SAR1B: variants seen among roughly 807,000 people sequenced by gnomAD.
SAR1B encodes the protein secretion associated Ras related GTPase 1B.
In SAR1B, 23 loss-of-function variants were observed where a neutral mutation model predicts 26.8. That is an observed-to-expected ratio of 0.86 (90% confidence interval 0.62 to 1.22). The LOEUF (loss-of-function observed/expected upper bound fraction) is 1.22, where lower values mean the gene tolerates loss of function less well. Ranked by LOEUF, SAR1B falls within the 50% of genes most tolerant of loss-of-function variation. The pLI is 0.00. For missense variants in SAR1B, 196 were observed against 232.8 expected, an observed-to-expected ratio of 0.84 and a Z score of 1.03; for synonymous variants, 65 against 80.8, an observed-to-expected ratio of 0.80 and a Z score of 1.05.
chr5:134,613,602 T>C (rs1175577366), intron 3 of SAR1B: 1 of 152,228 alleles, frequency 6.6e-6, no homozygotes, highest in Non-Finnish European at 1.5e-5. Flanking sequence ...CTATTCTTCC[T>C]GCTGAAAATG....
At position 134,630,223 on chromosome 5, in the gene SAR1B, A is replaced by AG. The variant is rs1479795971; in HGVS notation, c.-19+2504dup. Among the ~76,000 whole-genome samples the AG allele has an allele frequency of 5.3e-5, 8 of 152,154 alleles. No homozygotes were observed. The South Asian group carries it at 6.2e-4, about 12-fold the overall frequency. ...GTAATCCCAGCACTTTGGGAGGCTG[A>AG]GGGGGGCGGATCACCTGAGGTTGGG... On this transcript the variant is annotated intron_variant, in intron 1 of 6. Coordinates refer to ENST00000402673, the MANE Select transcript of SAR1B (RefSeq NM_016103.4).
At position 134,624,035 on chromosome 5, in the gene SAR1B, G is replaced by A. The variant is rs1465721269; in HGVS notation, c.-16C>T. On this transcript the variant is annotated splice_region_variant and 5_prime_UTR_variant, in exon 2 of 7. Coordinates refer to ENST00000402673, the MANE Select transcript of SAR1B (RefSeq NM_016103.4). ...TGAAGGACATATCCAAATCTGATAG[G>A]GTCTGAAAAAAAAGAGTTTGAATTT... 6.3e-7 allele frequency: 1 copy of A among 1,590,558 alleles called. No homozygotes were observed. Among genetic ancestry groups the A allele is most frequent in the East Asian group, 2.2e-5 (1 of 44,704 alleles).
In SAR1B at chr5:134,612,641, TAAAAAAAAAAAAAAAAAAAAAAAAAA is replaced by T. The variant is rs34365859; in HGVS notation, c.244+24_244+49del. On this transcript the variant is annotated intron_variant, in intron 4 of 6. Transcript: ENST00000402673. ...GCCTGGGAGACAGAGTGAGCCTGTC[TAAAAAAAAAAAAAAAAAAAAAAAAAA>T]AAAAAAAAAAAAAAGAATCTTACCT... The T allele has an allele frequency of 7.3e-5, 56 of 767,786 alleles. No homozygotes were observed. In the East Asian group the frequency reaches 1.4e-3, roughly 19 times the overall value. 47.6% of individuals were successfully genotyped at this position (767,786 alleles called of 1,614,324 possible). A position where few individuals can be genotyped will look rare whatever the true frequency, so the allele number is the denominator to read the frequency against.
At chr5:134,630,879 CT>C (rs1169258258) in intron 1 of SAR1B, among the ~76,000 whole-genome samples, 3 of 81,304 alleles carry the variant, frequency 3.7e-5, no homozygotes, top group Non-Finnish European at 5.2e-5. Context: ...TTTTCTATTT[CT>C]TTTTTTTTCT....
At chr5:134,622,413 T>C (rs1166366199) in intron 2 of SAR1B, among the ~76,000 whole-genome samples, 1 of 149,558 alleles carries the variant, frequency 6.7e-6, no homozygotes, top group Non-Finnish European at 1.5e-5. Flanking sequence ...CCATATTCTT[T>C]TTTTTTTTTT....
At chr5:134,624,625 GT>G (rs66854508) in intron 1 of SAR1B, among the ~76,000 whole-genome samples, 54,727 of 113,118 alleles carry the variant, frequency 0.48, 11,768 homozygotes, top group Middle Eastern at 0.63. Context: ...AGGGAAGTGA[GT>G]TTTTTTTTTT....
chr5:134,617,498 T>C (rs1464212637), intron 3 of SAR1B, among the ~76,000 whole-genome samples: 2 of 152,174 alleles, frequency 1.3e-5, no homozygotes, highest in Admixed American at 6.5e-5. Context: ...GCAGGAAAGG[T>C]TGAGATAGCA....
rs1448996358 is a variant in SAR1B at position 134,602,438 on chromosome 5, T to G, written c.*4512A>C. 6.6e-6 allele frequency: 1 copy of G among 152,216 alleles called. No homozygotes were observed. The highest frequency in any genetic ancestry group is 1.9e-4 in the East Asian group (1 of 5,184). The allele number at this position is 152,216 out of a possible 1,614,324, so 9.4% of individuals were successfully genotyped here. A position where few individuals can be genotyped will look rare whatever the true frequency, so the allele number is the denominator to read the frequency against. On this transcript the variant is annotated 3_prime_UTR_variant, in exon 7 of 7. Coordinates refer to ENST00000402673, the MANE Select transcript of SAR1B (RefSeq NM_016103.4). Reference sequence around the variant, plus strand: ...GGGGAATGGTAACAGGGTTCAGAAGTGGAAACACGGTTTTAACAAAATTCC... The same window carrying G: ...GGGGAATGGTAACAGGGTTCAGAAGGGGAAACACGGTTTTAACAAAATTCC...
At chr5:134,623,927 G>A in intron 2 of SAR1B, 35 bp downstream of exon 2, 1 of 1,411,874 alleles carries the variant, frequency 7.1e-7, no homozygotes, top group Non-Finnish European at 1.0e-6. Flanking sequence ...TAAGACCAAA[G>A]GGGATAACTG....
At chr5:134,612,349 C>G (rs1181727053) in intron 4 of SAR1B, among the ~76,000 whole-genome samples, 1 of 152,084 alleles carries the variant, frequency 6.6e-6, no homozygotes, top group African/African-American at 2.4e-5. Context: ...TAAATCTACT[C>G]TGGCCTTGCG....
intron 3 of SAR1B, among the ~76,000 whole-genome samples, chr5:134,618,466 T>C (rs1025341595): frequency 6.6e-6 from 1 of 152,228 alleles, no homozygotes; most frequent in African/African-American, 2.4e-5. Context: ...TATCTACTTT[T>C]TGGTCCAGTT....
intron 3 of SAR1B, among the ~76,000 whole-genome samples, chr5:134,616,131 GAAAA>G (rs1218921148): frequency 2.9e-5 from 2 of 69,452 alleles, no homozygotes; most frequent in South Asian, 4.8e-4. Flanking sequence ...CTCCATCTCG[GAAAA>G]AAAAAAAAAA....
At chr5:134,629,941 A>G (rs1373419394) in intron 1 of SAR1B, among the ~76,000 whole-genome samples, 1 of 151,990 alleles carries the variant, frequency 6.6e-6, no homozygotes, top group African/African-American at 2.4e-5. Flanking sequence ...ACCATGACAA[A>G]TATAAATAGT....
At position 134,605,259 on chromosome 5, in the gene SAR1B, C is replaced by A. The variant is rs1259834734; in HGVS notation, c.*1691G>T. 1 of 152,034 alleles carries A rather than the reference C, an allele frequency of 6.6e-6. No homozygotes were observed. The highest frequency in any genetic ancestry group is 1.5e-5 in the Non-Finnish European group (1 of 68,000). 9.4% of individuals were successfully genotyped at this position (152,034 alleles called of 1,614,324 possible). ...ACTAATTTTTGATATTAAAATTATTCTTGATGGAATTGGTTAAATATACTA... is the reference window on the plus strand; with the variant it reads ...ACTAATTTTTGATATTAAAATTATTATTGATGGAATTGGTTAAATATACTA... On this transcript the variant is annotated 3_prime_UTR_variant, in exon 7 of 7. Coordinates refer to ENST00000402673, the MANE Select transcript of SAR1B (RefSeq NM_016103.4).
chr5:134,625,769 G>A (rs1440153590), intron 1 of SAR1B: 3 of 152,150 alleles, frequency 2.0e-5, no homozygotes. Flanking sequence ...GACAGGCAGT[G>A]TAATCACCTG....
intron 2 of SAR1B, among the ~76,000 whole-genome samples, chr5:134,621,641 G>A (rs376652781): frequency 1.3e-5 from 2 of 152,016 alleles, no homozygotes; most frequent in East Asian, 1.9e-4. Flanking sequence ...TATCAATCAG[G>A]TATTGATTGA....
intron 3 of SAR1B, 33 bp from the exon 4 acceptor site, chr5:134,612,789 A>G: frequency 6.4e-7 from 1 of 1,566,138 alleles, no homozygotes; most frequent in Admixed American, 1.8e-5. Context: ...TTTACATGAA[A>G]ATTAGAAACC....
At chr5:134,617,918 A>G (rs1284072446) in intron 3 of SAR1B, among the ~76,000 whole-genome samples, 3 of 152,144 alleles carry the variant, frequency 2.0e-5, no homozygotes, top group African/African-American at 7.2e-5. Flanking sequence ...GTTTTTGCAG[A>G]CAATTTTATC....
At chr5:134,631,395 T>C (rs998475924) in intron 1 of SAR1B, among the ~76,000 whole-genome samples, 1 of 152,190 alleles carries the variant, frequency 6.6e-6, no homozygotes, top group Non-Finnish European at 1.5e-5. Flanking sequence ...TAGATAATCA[T>C]GTTGCTTTGC....
Sources: gnomAD v4.1 joint callset for allele counts (sites outside exome capture counted in the v4.1 genomes callset) on GRCh38, gnomAD v4.1.1 for gene constraint, MANE v1.5 for transcripts, NCBI Gene and HGNC (gene_info 2026-07-23, HGNC 2026-07-21) for gene names.